DAB1: variants seen among roughly 807,000 people sequenced by gnomAD.
DAB1 encodes the protein DAB adaptor protein 1, also known as disabled homolog 1.
Under a neutral mutation model 64.6 loss-of-function variants are expected in DAB1, and 15 were observed. The ratio of observed to expected loss-of-function variants is 0.23; its 90% CI spans 0.16 to 0.36. The LOEUF is 0.36. DAB1 is among the 10% of genes least tolerant of loss of function. The pLI is 1.00. For synonymous variants in DAB1, 235 were observed against 251.9 expected, an observed-to-expected ratio of 0.93 and a Z score of 0.64; for missense variants, 596 against 706.7, an observed-to-expected ratio of 0.84 and a Z score of 1.78.
intron 5 of DAB1, among the ~76,000 whole-genome samples, chr1:57,937,906 G>A (rs574751824): frequency 3.3e-5 from 5 of 152,246 alleles, no homozygotes; most frequent in African/African-American, 4.8e-5. Flanking sequence ...CCTAGCTGCC[G>A]GCATGCCTCT....
At chr1:57,040,318 A>G (rs1211412547) in intron 9 of DAB1, among the ~76,000 whole-genome samples, 1 of 152,142 alleles carries the variant, frequency 6.6e-6, no homozygotes, top group African/African-American at 2.4e-5. Flanking sequence ...ATGATGATAT[A>G]GCGCTCTCTG....
At chr1:58,373,026 A>C (rs1324525095) in intron 3 of DAB1, among the ~76,000 whole-genome samples, 1 of 152,216 alleles carries the variant, frequency 6.6e-6, no homozygotes. Context: ...TAAAATGTTA[A>C]TAATTCTTAA....
chr1:58,447,213 T>C (rs1645077482), intron 3 of DAB1, among the ~76,000 whole-genome samples: 2 of 152,164 alleles, frequency 1.3e-5, no homozygotes, highest in African/African-American at 4.8e-5. Flanking sequence ...TTGACTGTCA[T>C]GAATGCTGAA....
chr1:57,687,936 G>A (rs1190131844), intron 6 of DAB1, among the ~76,000 whole-genome samples: 1 of 151,928 alleles, frequency 6.6e-6, no homozygotes. Context: ...AAATATAAAT[G>A]TAAGAAATCA....
chr1:57,141,781 G>A (rs549027133), intron 3 of DAB1, among the ~76,000 whole-genome samples: 3 of 152,268 alleles, frequency 2.0e-5, no homozygotes, highest in Non-Finnish European at 2.9e-5. Context: ...AGTCAATGGT[G>A]CATGATGTGA....
intron 7 of DAB1, among the ~76,000 whole-genome samples, chr1:57,437,367 T>G (rs1420881696): frequency 6.6e-6 from 1 of 152,226 alleles, no homozygotes; most frequent in Non-Finnish European, 1.5e-5. Context: ...GTCACCACTC[T>G]TCCCTTGAAA....
At chr1:57,939,402 C>T (rs1450431796) in intron 5 of DAB1, among the ~76,000 whole-genome samples, 1 of 152,216 alleles carries the variant, frequency 6.6e-6, no homozygotes, top group Admixed American at 6.5e-5. Flanking sequence ...TAAGAACTAT[C>T]TGAGATGAGC....
intron 1 of DAB1, among the ~76,000 whole-genome samples, chr1:57,356,956 T>C (rs1401137224): frequency 6.6e-6 from 1 of 152,026 alleles, no homozygotes; most frequent in Non-Finnish European, 1.5e-5. Flanking sequence ...AGAGACTTAC[T>C]TTAATCCCTT....
intron 3 of DAB1, among the ~76,000 whole-genome samples, chr1:58,492,621 G>C (rs1431434742): frequency 6.6e-6 from 1 of 152,182 alleles, no homozygotes; most frequent in African/African-American, 2.4e-5. Flanking sequence ...ACTACCATCA[G>C]AGAATACTAT....
intron 1 of DAB1, among the ~76,000 whole-genome samples, chr1:57,372,074 G>A (rs1292227465): frequency 6.6e-6 from 1 of 152,146 alleles, no homozygotes; most frequent in Non-Finnish European, 1.5e-5. Context: ...GAGGCCTGTG[G>A]TTCCTTTTTC....
intron 6 of DAB1, among the ~76,000 whole-genome samples, chr1:57,796,310 A>C (rs1650861537): frequency 6.6e-6 from 1 of 151,930 alleles, no homozygotes; most frequent in African/African-American, 2.4e-5. Context: ...GGCGGATCAC[A>C]AGGTCAGAAG....
At chr1:57,450,970 C>T (rs1057171013) in intron 7 of DAB1, among the ~76,000 whole-genome samples, 1 of 152,184 alleles carries the variant, frequency 6.6e-6, no homozygotes, top group African/African-American at 2.4e-5. Context: ...CTTAAAACGT[C>T]TTTCTTTTAT....
intron 5 of DAB1, among the ~76,000 whole-genome samples, chr1:58,024,301 G>A (rs573384012): frequency 6.6e-5 from 10 of 151,496 alleles, no homozygotes; most frequent in South Asian, 2.1e-4. Flanking sequence ...AAAGAAGCTC[G>A]GGGTTTGAGT....
At chr1:58,204,515 G>A (rs1400885384) in intron 4 of DAB1, among the ~76,000 whole-genome samples, 1 of 152,162 alleles carries the variant, frequency 6.6e-6, no homozygotes, top group Non-Finnish European at 1.5e-5. Context: ...AGGCATGGAA[G>A]GGCAGAAGCC....
chr1:57,103,829 G>T (rs537973057), intron 4 of DAB1, among the ~76,000 whole-genome samples: 1 of 152,136 alleles, frequency 6.6e-6, no homozygotes, highest in Non-Finnish European at 1.5e-5. Context: ...AGGACTAAGC[G>T]GGGAACCCAG....
intron 2 of DAB1, among the ~76,000 whole-genome samples, chr1:57,149,319 A>G (rs1305123473): frequency 6.6e-6 from 1 of 152,218 alleles, no homozygotes; most frequent in Non-Finnish European, 1.5e-5. Context: ...GGCTGTATAT[A>G]TTCAATTCTC....
chr1:58,275,875 A>G (rs932730403), intron 4 of DAB1, among the ~76,000 whole-genome samples: 4 of 152,240 alleles, frequency 2.6e-5, no homozygotes, highest in African/African-American at 4.8e-5. Context: ...TTGTATATCA[A>G]TGTTCATAGT....
chr1:57,402,218 TA>T (rs1417869936), intron 1 of DAB1, among the ~76,000 whole-genome samples: 6 of 152,142 alleles, frequency 3.9e-5, no homozygotes, highest in Non-Finnish European at 7.3e-5. Context: ...CTGGAGAGTT[TA>T]AAAAAATTGG....
chr1:57,233,730 G>A (rs1369261588), intron 2 of DAB1, among the ~76,000 whole-genome samples: 2 of 151,652 alleles, frequency 1.3e-5, no homozygotes, highest in Non-Finnish European at 1.5e-5. Context: ...CTGCACTCCA[G>A]CCTGGGCGAC....
Sources: gnomAD v4.1 joint callset for allele counts (sites outside exome capture counted in the v4.1 genomes callset) on GRCh38, gnomAD v4.1.1 for gene constraint, MANE v1.5 for transcripts, NCBI Gene and HGNC (gene_info 2026-07-23, HGNC 2026-07-21) for gene names.